HERC3: variants seen among roughly 807,000 people sequenced by gnomAD.
HERC3 encodes probable E3 ubiquitin-protein ligase HERC3.
Under a neutral mutation model 129.9 loss-of-function variants are expected in HERC3, and 58 were observed. The observed-to-expected ratio is 0.45, with a 90% confidence interval of 0.36 to 0.56. HERC3 has a LOEUF of 0.56. Ranked by LOEUF, HERC3 falls within the 20% of genes least tolerant of loss-of-function variation. HERC3 has a pLI of 0.00. For synonymous variants in HERC3, 430 were observed against 451.0 expected, an observed-to-expected ratio of 0.95 and a Z score of 0.59; for missense variants, 835 against 1,244.2, an observed-to-expected ratio of 0.67 and a Z score of 4.95.
At chr4:88,598,384 C>G (rs987975170) in intron 2 of HERC3, among the ~76,000 whole-genome samples, 1 of 152,190 alleles carries the variant, frequency 6.6e-6, no homozygotes, top group African/African-American at 2.4e-5. Flanking sequence ...AAACTTCCTC[C>G]TATCAACCTC....
intron 3 of HERC3, among the ~76,000 whole-genome samples, chr4:88,637,060 C>A (rs952200833): frequency 6.6e-6 from 1 of 151,998 alleles, no homozygotes; most frequent in Non-Finnish European, 1.5e-5. Flanking sequence ...ATCCGGGAGG[C>A]AGAGGTTGCA....
At chr4:88,697,648 T>G in intron 23 of HERC3, 6 of 1,613,520 alleles carry the variant, frequency 3.7e-6, no homozygotes, top group Non-Finnish European at 5.1e-6. Flanking sequence ...GCTGTCACAG[T>G]CTCCACCCTG....
chr4:88,697,268 C>T, intron 23 of HERC3: 2 of 1,579,128 alleles, frequency 1.3e-6, no homozygotes, highest in Non-Finnish European at 1.7e-6. Context: ...CCCGCGGCAG[C>T]CTCTGCCGCA....
intron 25 of HERC3, among the ~76,000 whole-genome samples, chr4:88,704,863 C>CTTTCTTTTCTTTT (rs1336673525): frequency 7.7e-6 from 1 of 130,672 alleles, no homozygotes; most frequent in African/African-American, 3.0e-5. Context: ...TTCTTTCTTT[C>CTTTCTTTTCTTTT]TTTTTTTTTT....
rs141545927 is a variant in HERC3 at position 88,635,314 on chromosome 4, T to C, written c.227-14526T>C. Among the ~76,000 whole-genome samples the C allele has an allele frequency of 9.4e-3, 1,432 of 152,042 alleles. 21 individuals carry two copies. Among genetic ancestry groups the C allele is most frequent in the African/African-American group, 0.032 (1,337 of 41,454 alleles). ...AGTTTAAAGAGGAACGTAAACGACC[T>C]GATGAAGCTGAAAAATGCAACGTGA... On this transcript the variant is annotated intron_variant, in intron 3 of 25. Transcript: ENST00000402738.
the HERC3 span, among the ~76,000 whole-genome samples, chr4:88,545,918 A>G: frequency 2.0e-5 from 3 of 152,064 alleles, no homozygotes; most frequent in African/African-American, 7.3e-5. Context: ...TATATTTCCA[A>G]CCTCCTTAAT....
rs1396849800 is a variant in HERC3 at position 88,707,378 on chromosome 4, AC to A, written c.*419del. 1 of 178,324 alleles carries A rather than the reference AC, an allele frequency of 5.6e-6. No individual in the cohort carries two copies. Among genetic ancestry groups the A allele is most frequent in the Non-Finnish European group, 1.2e-5 (1 of 83,618 alleles). 11.0% of individuals were successfully genotyped at this position (178,324 alleles called of 1,614,324 possible). On this transcript the variant is annotated 3_prime_UTR_variant, in exon 26 of 26. Transcript: ENST00000402738. ...TCATTCCTCTATAAGAATGATTTAG[AC>A]TGACCTGTCCTTTTTTATCTGCGCA... is the stretch of plus-strand genomic sequence containing the variant.
At chr4:88,619,206 T>C (rs1289132683) in intron 3 of HERC3, among the ~76,000 whole-genome samples, 1 of 152,242 alleles carries the variant, frequency 6.6e-6, no homozygotes, top group Non-Finnish European at 1.5e-5. Flanking sequence ...TTCCCTTAGA[T>C]CATTCTTGAC....
At chr4:88,528,754 A>G in the HERC3 span, among the ~76,000 whole-genome samples, 2 of 152,200 alleles carry the variant, frequency 1.3e-5, no homozygotes, top group Non-Finnish European at 2.9e-5. Flanking sequence ...TTCCACAAAA[A>G]ATTATCCAGT....
intron 12 of HERC3, among the ~76,000 whole-genome samples, chr4:88,665,215 C>G (rs747707353): frequency 6.6e-6 from 1 of 152,230 alleles, no homozygotes. Flanking sequence ...AATTGGTTCA[C>G]CTGATTATGG....
intron 23 of HERC3, among the ~76,000 whole-genome samples, chr4:88,699,499 T>C (rs2149345353): frequency 6.7e-6 from 1 of 148,866 alleles, no homozygotes; most frequent in Middle Eastern, 3.4e-3. Flanking sequence ...TCTTTCTCAC[T>C]CCCATATATC....
intron 16 of HERC3, among the ~76,000 whole-genome samples, chr4:88,672,349 A>C (rs966078611): frequency 6.6e-6 from 1 of 152,192 alleles, no homozygotes; most frequent in Non-Finnish European, 1.5e-5. Context: ...TCATCTCTTC[A>C]ATAACTATAA....
At position 88,664,758 on chromosome 4, in the gene HERC3, A is replaced by AT. The variant is rs567380735; in HGVS notation, c.1331+553dup. On this transcript the variant is annotated intron_variant, in intron 12 of 25. Transcript: ENST00000402738. ...AGTTTTAAAATTTTTATTATTTTTT[A>AT]TTTTTTTCTCTCAAAAGGAGTGAAT... Among the ~76,000 whole-genome samples, 168 of 152,014 alleles carry AT rather than the reference A, an allele frequency of 1.1e-3. 1 individual carries two copies. The highest frequency in any genetic ancestry group is 3.8e-3 in the African/African-American group (158 of 41,476).
the HERC3 span, among the ~76,000 whole-genome samples, chr4:88,555,774 G>A: frequency 6.6e-6 from 1 of 152,302 alleles, no homozygotes; most frequent in Admixed American, 6.5e-5. Flanking sequence ...CAGAGATTGA[G>A]CAGGAATATT....
chr4:88,698,683 C>A (rs904719030), intron 23 of HERC3, among the ~76,000 whole-genome samples: 1 of 151,330 alleles, frequency 6.6e-6, no homozygotes, highest in African/African-American at 2.4e-5. Context: ...CTTCCCCCAA[C>A]ACCGTCTGCT....
chr4:88,675,804 A>ATG (rs3836635), intron 16 of HERC3, among the ~76,000 whole-genome samples: 2,000 of 150,900 alleles, frequency 0.013, 81 homozygotes, highest in Admixed American at 0.083. Flanking sequence ...GCCTGTGTGT[A>ATG]TGTGTGTGTG....
At chr4:88,553,614 C>A in the HERC3 span, among the ~76,000 whole-genome samples, 3 of 152,124 alleles carry the variant, frequency 2.0e-5, no homozygotes, top group Non-Finnish European at 4.4e-5. Context: ...CTTTAATAAA[C>A]CTATGGTGTT....
chr4:88,551,424 A>C, the HERC3 span, among the ~76,000 whole-genome samples: 5 of 148,844 alleles, frequency 3.4e-5, no homozygotes, highest in Non-Finnish European at 4.4e-5. Flanking sequence ...AATGAACTCA[A>C]ACAAATTTAC....
chr4:88,652,237 G>T, intron 5 of HERC3, 149 bp downstream of exon 5: 1 of 631,560 alleles, frequency 1.6e-6, no homozygotes, highest in Non-Finnish European at 2.8e-6. Flanking sequence ...TCTCATATGG[G>T]CTTTGCATAG....
Sources: gnomAD v4.1 joint callset for allele counts (sites outside exome capture counted in the v4.1 genomes callset) on GRCh38, gnomAD v4.1.1 for gene constraint, MANE v1.5 for transcripts, NCBI Gene and HGNC (gene_info 2026-07-23, HGNC 2026-07-21) for gene names.